Variants in PCDH15 observed in about 807,000 individuals in gnomAD.
PCDH15 encodes the protein protocadherin-15.
Under a neutral mutation model 178.5 loss-of-function variants are expected in PCDH15, and 129 were observed. The observed-to-expected ratio is 0.72, with a 90% confidence interval of 0.63 to 0.84. The LOEUF (loss-of-function observed/expected upper bound fraction) is 0.84, where lower values mean the gene tolerates loss of function less well. PCDH15 is among the 40% of genes least tolerant of loss of function. PCDH15 has a pLI of 0.00. For synonymous variants in PCDH15, 800 were observed against 732.0 expected (o/e 1.09, Z -1.50); for missense variants, 2,230 against 2,099.9 (o/e 1.06, Z -1.21).
At chr10:54,755,477 A>T (rs192387293) in intron 1 of PCDH15, among the ~76,000 whole-genome samples, 134 of 152,290 alleles carry the variant, frequency 8.8e-4, no homozygotes, top group Middle Eastern at 3.4e-3. Context: ...CTCTAGAATT[A>T]TATTTCTTAG....
At chr10:54,357,371 A>G (rs1206180673) in intron 5 of PCDH15, among the ~76,000 whole-genome samples, 1 of 152,202 alleles carries the variant, frequency 6.6e-6, no homozygotes, top group Non-Finnish European at 1.5e-5. Context: ...CACCAATAAC[A>G]GACAAATAGA....
intron 21 of PCDH15, among the ~76,000 whole-genome samples, chr10:53,993,617 A>C (rs750766755): frequency 1.2e-4 from 18 of 152,306 alleles, no homozygotes; most frequent in Non-Finnish European, 2.2e-4. Context: ...TTCTGTCTTT[A>C]TGGTACCAAC....
chr10:54,067,772 AAGG>A (rs1482368823), intron 17 of PCDH15, among the ~76,000 whole-genome samples: 32 of 152,172 alleles, frequency 2.1e-4, no homozygotes, highest in Admixed American at 1.4e-3. Flanking sequence ...TATAAATAAA[AAGG>A]AGGAGGAAAA....
chr10:54,835,831 C>A (rs1054115587), intron 3 of PCDH15, among the ~76,000 whole-genome samples: 2 of 152,052 alleles, frequency 1.3e-5, no homozygotes, highest in African/African-American at 4.8e-5. Flanking sequence ...TTCTTTCTCT[C>A]AAATACCTGA....
intron 26 of PCDH15, among the ~76,000 whole-genome samples, chr10:53,872,055 T>C (rs193183098): frequency 1.8e-4 from 28 of 152,288 alleles, no homozygotes; most frequent in African/African-American, 6.0e-4. Flanking sequence ...TCTTCCTCAG[T>C]TGAAATCCAT....
intron 3 of PCDH15, among the ~76,000 whole-genome samples, chr10:54,490,232 C>T (rs994935089): frequency 2.6e-5 from 4 of 151,998 alleles, no homozygotes; most frequent in Admixed American, 2.0e-4. Context: ...GGGCGAATCA[C>T]GAGGTCAGGA....
chr10:55,050,242 G>C (rs1400170214), intron 2 of PCDH15, among the ~76,000 whole-genome samples: 1 of 151,906 alleles, frequency 6.6e-6, no homozygotes, highest in Non-Finnish European at 1.5e-5. Context: ...TCTCAGTTTA[G>C]CCACTTGCAA....
intron 1 of PCDH15, among the ~76,000 whole-genome samples, chr10:55,173,162 G>A (rs893942667): frequency 6.6e-6 from 1 of 151,234 alleles, no homozygotes; most frequent in Non-Finnish European, 1.5e-5. Context: ...AGAATTCCTT[G>A]CCACTTTTTT....
chr10:53,889,733 T>A (rs954326169), intron 26 of PCDH15, among the ~76,000 whole-genome samples: 1 of 152,140 alleles, frequency 6.6e-6, no homozygotes, highest in African/African-American at 2.4e-5. Flanking sequence ...CCAAACAACT[T>A]ATATGGACAG....
At chr10:54,540,171 T>C (rs1164376437) in intron 2 of PCDH15, among the ~76,000 whole-genome samples, 2 of 152,026 alleles carry the variant, frequency 1.3e-5, no homozygotes, top group Admixed American at 6.6e-5. Flanking sequence ...CTAAATAAAA[T>C]TGAGGCATAA....
chr10:54,163,443 C>T (rs1305763559), intron 13 of PCDH15, among the ~76,000 whole-genome samples: 6 of 151,924 alleles, frequency 3.9e-5, no homozygotes, highest in Non-Finnish European at 7.4e-5. Context: ...GTGCCATATA[C>T]TTTTAAACCA....
intron 2 of PCDH15, among the ~76,000 whole-genome samples, chr10:55,612,549 C>A (rs1843390140): frequency 6.6e-6 from 1 of 151,956 alleles, no homozygotes; most frequent in Admixed American, 6.6e-5. Context: ...CTTACAACTC[C>A]CATTATACTG....
chr10:54,826,150 A>G (rs1370683069), intron 3 of PCDH15, among the ~76,000 whole-genome samples: 1 of 151,996 alleles, frequency 6.6e-6, no homozygotes, highest in African/African-American at 2.4e-5. Context: ...CACTGTAGAT[A>G]CCTTGTCTTT....
intron 15 of PCDH15, among the ~76,000 whole-genome samples, chr10:54,118,097 C>G (rs12359682): frequency 0.076 from 11,493 of 152,148 alleles, 784 homozygotes; most frequent in African/African-American, 0.18. Flanking sequence ...CAATCTTAAG[C>G]CAAAGAACAA....
intron 3 of PCDH15, chr10:54,486,156 C>T (rs911339188): frequency 2.6e-5 from 4 of 151,950 alleles, no homozygotes; most frequent in African/African-American, 9.7e-5. Flanking sequence ...TGAGTCCCAC[C>T]AGCGTCACAG....
At chr10:55,014,309 G>T (rs1227885822) in intron 2 of PCDH15, among the ~76,000 whole-genome samples, 1 of 151,982 alleles carries the variant, frequency 6.6e-6, no homozygotes, top group East Asian at 1.9e-4. Flanking sequence ...TAGGTGAGAT[G>T]CAATACACAA....
chr10:55,449,152 A>G (rs573645797), intron 2 of PCDH15, among the ~76,000 whole-genome samples: 1 of 152,178 alleles, frequency 6.6e-6, no homozygotes, highest in East Asian at 1.9e-4. Flanking sequence ...AAGTATAGAG[A>G]CAATCTCAAA....
rs1389284671 is a variant in PCDH15, at chr10:54,687,391, T to C, written c.-28-23101A>G. ...GCTCATTGCGACTCTATTTACAATATCCAAGATGTGGAAACAACCTAAATG... is the reference window on the plus strand; with the variant it reads ...GCTCATTGCGACTCTATTTACAATACCCAAGATGTGGAAACAACCTAAATG... On this transcript the variant is annotated intron_variant, in intron 1 of 37. Coordinates refer to ENST00000644397, the MANE Select transcript of PCDH15 (RefSeq NM_001384140.1). 2.6e-5 allele frequency among the ~76,000 whole-genome samples: 4 copies of C among 152,128 alleles called. No homozygotes were observed. The East Asian group carries it at 7.7e-4, about 29-fold the overall frequency.
At chr10:55,283,185 C>T (rs1355462232) in intron 1 of PCDH15, among the ~76,000 whole-genome samples, 1 of 151,882 alleles carries the variant, frequency 6.6e-6, no homozygotes, top group African/African-American at 2.4e-5. Flanking sequence ...TTTCGCAGAC[C>T]CTGCACTGGA....
Sources: allele counts gnomAD v4.1 joint callset (sites outside exome capture counted in the v4.1 genomes callset), GRCh38; gene constraint gnomAD v4.1.1; transcripts MANE v1.5; gene names NCBI Gene and HGNC (gene_info 2026-07-23, HGNC 2026-07-21).